The following ADCY8 variants were observed in gnomAD, a reference collection of about 807,000 sequenced individuals.
ADCY8 encodes adenylate cyclase 8.
In ADCY8, 51 loss-of-function variants were observed where a neutral mutation model predicts 119.7. The ratio of observed to expected loss-of-function variants is 0.43; its 90% confidence interval spans 0.34 to 0.54. The LOEUF is 0.54. Ranked by LOEUF, ADCY8 falls within the 20% of genes least tolerant of loss-of-function variation. The pLI, the probability that ADCY8 is intolerant of heterozygous loss-of-function variation, is 0.03. For synonymous variants in ADCY8, 665 were observed against 651.0 expected (o/e 1.02, Z -0.33); for missense variants, 1,383 against 1,598.8 (o/e 0.87, Z 2.30).
At position 131,039,937 on chromosome 8, in the gene ADCY8, C is replaced by A. The variant is rs1470221172; in HGVS notation, c.397G>T (p.Asp133Tyr). Residue 133 changes from aspartate to tyrosine, a missense_variant, in exon 1 of 18, where the codon GAC (aspartate) becomes TAC (tyrosine). Around this residue, in one of 2 missense-constraint regions of ADCY8, gnomAD observed 455 missense variants for 435.3 expected, o/e 1.05. Transcript: ENST00000286355. ...GGGDLGFLHL[D>Y]CAPSNSDFFL... ...AAATCCGAGTTGCTAGGGGCACAGT[C>A]AAGGTGCAGGAAGCCCAGGTCGCCC... 6.2e-7 allele frequency: 1 copy of A among 1,604,704 alleles called. No individual in the cohort carries two copies.
At chr8:130,790,098 T>C (rs1328279734) in intron 15 of ADCY8, among the ~76,000 whole-genome samples, 1 of 151,850 alleles carries the variant, frequency 6.6e-6, no homozygotes, top group Admixed American at 6.6e-5. Context: ...TGCCGTGTCC[T>C]GAGTTGCACA....
intron 14 of ADCY8, among the ~76,000 whole-genome samples, chr8:130,808,312 GT>G (rs1163853846): frequency 6.6e-6 from 1 of 152,168 alleles, no homozygotes; most frequent in African/African-American, 2.4e-5. Flanking sequence ...GGAAGGAATG[GT>G]TGAATGAAGG....
At chr8:130,804,362 C>A (rs190571184) in intron 14 of ADCY8, among the ~76,000 whole-genome samples, 34 of 152,242 alleles carry the variant, frequency 2.2e-4, no homozygotes, top group African/African-American at 7.9e-4. Context: ...TTCTAGTCTC[C>A]TCTTTCTATT....
intron 8 of ADCY8, among the ~76,000 whole-genome samples, chr8:130,881,529 C>CATT (rs1284891812): frequency 6.6e-6 from 1 of 152,066 alleles, no homozygotes; most frequent in Non-Finnish European, 1.5e-5. Flanking sequence ...ATTATTTTTC[C>CATT]ATTTCCATTT....
At chr8:130,868,773 A>C (rs1359812309) in intron 8 of ADCY8, among the ~76,000 whole-genome samples, 2 of 152,332 alleles carry the variant, frequency 1.3e-5, no homozygotes, top group East Asian at 3.9e-4. Context: ...GACTAGTAGC[A>C]GGCAGGTTAT....
chr8:130,849,102 A>C (rs1817428115), intron 10 of ADCY8, among the ~76,000 whole-genome samples: 1 of 152,116 alleles, frequency 6.6e-6, no homozygotes, highest in African/African-American at 2.4e-5. Flanking sequence ...ACAATTTAGC[A>C]TATTAGAGGG....
At chr8:130,934,253 A>AT (rs1820719637) in intron 5 of ADCY8, among the ~76,000 whole-genome samples, 1 of 152,240 alleles carries the variant, frequency 6.6e-6, no homozygotes. Context: ...AAAAGGTTTA[A>AT]TTAACAAGTA....
intron 13 of ADCY8, 82 bp downstream of exon 13, chr8:130,821,260 G>T: frequency 1.7e-6 from 2 of 1,182,602 alleles, no homozygotes; most frequent in Non-Finnish European, 2.5e-6. Flanking sequence ...AAAGTTATTT[G>T]CTGCAAAGAG....
chr8:130,913,531 G>C (rs895854270), intron 5 of ADCY8, among the ~76,000 whole-genome samples: 1 of 152,230 alleles, frequency 6.6e-6, no homozygotes, highest in East Asian at 1.9e-4. Flanking sequence ...TTAAGACCAT[G>C]ATCAACCACA....
At chr8:131,007,082 A>G (rs1823142762) in intron 1 of ADCY8, among the ~76,000 whole-genome samples, 1 of 151,118 alleles carries the variant, frequency 6.6e-6, no homozygotes, top group South Asian at 2.1e-4. Context: ...TGTTTTTTAC[A>G]AACAGTAAAA....
At chr8:131,017,566 T>A (rs532916036) in intron 1 of ADCY8, among the ~76,000 whole-genome samples, 137 of 152,340 alleles carry the variant, frequency 9.0e-4, no homozygotes, top group African/African-American at 3.1e-3. Context: ...CAGAGAGCAC[T>A]GGGTGCTAGA....
intron 2 of ADCY8, among the ~76,000 whole-genome samples, chr8:130,968,450 C>T (rs1405556328): frequency 3.9e-5 from 6 of 152,162 alleles, no homozygotes; most frequent in Non-Finnish European, 5.9e-5. Context: ...GGATTACAGG[C>T]GTGAGCCACC....
intron 5 of ADCY8, among the ~76,000 whole-genome samples, chr8:130,924,730 G>T (rs1219341551): frequency 6.6e-6 from 1 of 152,096 alleles, no homozygotes; most frequent in Non-Finnish European, 1.5e-5. Context: ...TAGCTATATT[G>T]TTTGTTGTTT....
chr8:131,039,988 C>A lies in ADCY8; in HGVS notation c.346G>T (p.Gly116Cys), dbSNP rs754763494. ...CCGCCTCCGCTGCCGCTGGCACTGC[C>A]GCTCCCGCTGCGTTCCGGGAAGACT... ...TKVFPERSGS[G>C]SASGSGGGGD... Residue 116 changes from glycine to cysteine, a missense_variant, in exon 1 of 18, where the codon GGC (glycine) becomes TGC (cysteine). By Grantham distance (159) the Gly-to-Cys change is radical. Transcript: ENST00000286355. The A allele has an allele frequency of 4.9e-5, 77 of 1,573,652 alleles. 1 individual carries two copies. Among genetic ancestry groups the A allele is most frequent in the Middle Eastern group, 1.7e-4 (1 of 5,884 alleles).
chr8:131,039,343 G>A (rs372821882), intron 1 of ADCY8, 31 bp downstream of exon 1: 57 of 1,604,848 alleles, frequency 3.6e-5, no homozygotes, highest in Non-Finnish European at 4.3e-5. Flanking sequence ...GAAGTTAGAG[G>A]GGAAACAAAT....
At chr8:130,802,684 T>A (rs1815819291) in intron 14 of ADCY8, among the ~76,000 whole-genome samples, 1 of 152,230 alleles carries the variant, frequency 6.6e-6, no homozygotes. Flanking sequence ...GCATGTGGTG[T>A]CTGATGCTGT....
intron 11 of ADCY8, among the ~76,000 whole-genome samples, chr8:130,845,261 A>G (rs1231027678): frequency 6.6e-6 from 1 of 152,168 alleles, no homozygotes; most frequent in Non-Finnish European, 1.5e-5. Flanking sequence ...AAGGGTATAC[A>G]ATATTAATTC....
At chr8:130,981,885 C>T (rs540542031) in intron 2 of ADCY8, among the ~76,000 whole-genome samples, 9 of 152,160 alleles carry the variant, frequency 5.9e-5, no homozygotes, top group Non-Finnish European at 1.2e-4. Context: ...ACTATGTCAG[C>T]CAATGGGTCA....
At chr8:131,014,078 G>T (rs1823393825) in intron 1 of ADCY8, among the ~76,000 whole-genome samples, 1 of 152,172 alleles carries the variant, frequency 6.6e-6, no homozygotes, top group Admixed American at 6.6e-5. Context: ...TACAAGCTGA[G>T]ACCAATCAAG....
Sources: gnomAD v4.1 joint callset for allele counts (sites outside exome capture counted in the v4.1 genomes callset) on GRCh38, gnomAD v4.1.1 for gene constraint, gnomAD v4.1.1 regional missense constraint, MANE v1.5 for transcripts, NCBI Gene and HGNC (gene_info 2026-07-23, HGNC 2026-07-21) for gene names.